The following THTPA variants were observed in gnomAD, a reference collection of about 807,000 sequenced individuals.
The protein encoded by THTPA is thiamine-triphosphatase.
THTPA carries 16 observed loss-of-function variants against 16.5 expected under a neutral mutation model. The observed-to-expected ratio is 0.97, with a 90% CI of 0.66 to 1.47. The LOEUF is 1.47. THTPA is among the 40% of genes most tolerant of loss of function. The pLI is 0.00. For synonymous variants in THTPA, 110 were observed against 115.5 expected (o/e 0.95, Z 0.30); for missense variants, 281 against 280.9 (o/e 1.00, Z 0.00).
At chr14:23,521,597 G>C in the THTPA span, 1,494 of 218,628 alleles carry the variant, frequency 6.8e-3, 3 homozygotes, top group Non-Finnish European at 9.9e-3. Context: ...TATGGGGATG[G>C]GGAGCTGGGA....
At chr14:23,534,002 A>G in the THTPA span, 7 of 1,537,250 alleles carry the variant, frequency 4.6e-6, no homozygotes, top group Non-Finnish European at 6.1e-6. The surrounding 1 kb of genome is among the most constrained non-coding windows in gnomAD (Gnocchi z 4.5). Flanking sequence ...TGGAGCAGGG[A>G]CATGTGGCTG....
the THTPA span, among the ~76,000 whole-genome samples, chr14:23,518,117 T>TC: frequency 6.6e-6 from 1 of 152,222 alleles, no homozygotes; most frequent in Non-Finnish European, 1.5e-5. This position sits in a 1 kb window ranked among gnomAD's most constrained non-coding sequence, Gnocchi z 4.5. Flanking sequence ...CTGGTGTGTT[T>TC]CCCTGCAGCC....
At position 23,556,445 on chromosome 14, in the gene THTPA, G is replaced by T; in HGVS notation, c.-313G>T. On this transcript the variant is annotated 5_prime_UTR_variant, in exon 1 of 2. Transcript: ENST00000288014. The stretch of plus-strand genomic sequence containing the variant: ...CTGGGGTGGCAAGGTGTAGAGAGGG[G>T]GGCGTTGAAAGGACACCCGCTACCC... The T allele has an allele frequency of 2.8e-6, 1 of 362,408 alleles. No homozygotes were observed. Among genetic ancestry groups the T allele is most frequent in the Admixed American group, 4.4e-5 (1 of 22,956 alleles). The allele number at this position is 362,408 out of a possible 1,614,324, so 22.4% of individuals were successfully genotyped here. A position where few individuals can be genotyped will look rare whatever the true frequency, so the allele number is the denominator to read the frequency against.
At chr14:23,539,542 C>T in the THTPA span, among the ~76,000 whole-genome samples, 12 of 152,166 alleles carry the variant, frequency 7.9e-5, 1 homozygote, top group Admixed American at 5.2e-4. Context: ...ACTTAAGGAC[C>T]GGAGAATTAC....
At chr14:23,521,978 G>T in the THTPA span, 1 of 1,536,376 alleles carries the variant, frequency 6.5e-7, no homozygotes, top group Non-Finnish European at 8.7e-7. Context: ...AGCTAGAAGT[G>T]TAGAGGTAGT....
chr14:23,532,703 C>T, the THTPA span: 7 of 1,533,182 alleles, frequency 4.6e-6, no homozygotes, highest in East Asian at 1.7e-4. Context: ...AGCCCCATCT[C>T]CCAGGGATGC....
At chr14:23,549,421 G>A in the THTPA span, among the ~76,000 whole-genome samples, 1 of 152,136 alleles carries the variant, frequency 6.6e-6, no homozygotes, top group Non-Finnish European at 1.5e-5. Context: ...GAAAAACAAT[G>A]ATGGGCTAAA....
the THTPA span, chr14:23,534,136 T>G: frequency 4.5e-5 from 66 of 1,476,706 alleles, no homozygotes; most frequent in Middle Eastern, 3.5e-4. This position sits in a 1 kb window ranked among gnomAD's most constrained non-coding sequence, Gnocchi z 4.5. Flanking sequence ...GCCCCCCTCC[T>G]TGGAGGTGGG....
chr14:23,529,497 T>TATC, the THTPA span: 5 of 565,714 alleles, frequency 8.8e-6, no homozygotes, highest in African/African-American at 9.4e-5. Context: ...GTCTCCCTCC[T>TATC]ATCATCTCCC....
the THTPA span, among the ~76,000 whole-genome samples, chr14:23,540,690 G>T: frequency 7.9e-5 from 12 of 152,302 alleles, no homozygotes; most frequent in African/African-American, 2.9e-4. Flanking sequence ...GGGAAATTAC[G>T]TATTGAGCCT....
chr14:23,545,249 G>A, the THTPA span, among the ~76,000 whole-genome samples: 1 of 152,134 alleles, frequency 6.6e-6, no homozygotes, highest in African/African-American at 2.4e-5. Flanking sequence ...CTCCCATAAG[G>A]GTCAAAGCCA....
At chr14:23,513,497 T>C in the THTPA span, 1 of 152,436 alleles carries the variant, frequency 6.6e-6, no homozygotes, top group Non-Finnish European at 1.5e-5. Context: ...CGGTTGCCAA[T>C]CTAGTGTACA....
At chr14:23,521,396 G>C in the THTPA span, 2 of 152,440 alleles carry the variant, frequency 1.3e-5, no homozygotes, top group African/African-American at 4.8e-5. Context: ...GAGTTTGTGA[G>C]CGGTGTGGTG....
the THTPA span, among the ~76,000 whole-genome samples, chr14:23,515,825 G>A: frequency 4.6e-5 from 7 of 152,138 alleles, no homozygotes; most frequent in Admixed American, 1.3e-4. Context: ...AAGAAGCAAG[G>A]TGTTTTCCAC....
At chr14:23,518,531 G>A in the THTPA span, among the ~76,000 whole-genome samples, 3 of 152,148 alleles carry the variant, frequency 2.0e-5, no homozygotes, top group African/African-American at 7.2e-5. The surrounding 1 kb of genome is among the most constrained non-coding windows in gnomAD (Gnocchi z 4.5). Context: ...TTTGTTCCTA[G>A]TTGAGGATTG....
chr14:23,512,634 T>C, the THTPA span: 1 of 148,614 alleles, frequency 6.7e-6, no homozygotes, highest in African/African-American at 2.5e-5. Context: ...ATATTGGTAC[T>C]GAGGACCCAG....
the THTPA span, chr14:23,524,439 C>T: frequency 6.5e-7 from 1 of 1,536,054 alleles, no homozygotes; most frequent in Non-Finnish European, 8.7e-7. The surrounding 1 kb of genome is among the most constrained non-coding windows in gnomAD (Gnocchi z 5.6). Context: ...CTGCCGTCCT[C>T]ATGCTTCCGT....
chr14:23,537,367 T>A, the THTPA span, among the ~76,000 whole-genome samples: 1 of 152,116 alleles, frequency 6.6e-6, no homozygotes, highest in Non-Finnish European at 1.5e-5. Flanking sequence ...CTCTAGTGAT[T>A]AAACTGGTAG....
chr14:23,530,179 G>A, the THTPA span: 1 of 1,535,742 alleles, frequency 6.5e-7, no homozygotes, highest in Non-Finnish European at 8.7e-7. Context: ...AGCTAAGGGG[G>A]TGACAGGAGC....
Sources: gnomAD v4.1 joint callset for allele counts (sites outside exome capture counted in the v4.1 genomes callset) on GRCh38, gnomAD v4.1.1 for gene constraint, Gnocchi (gnomAD v3.1) non-coding constraint, MANE v1.5 for transcripts, NCBI Gene and HGNC (gene_info 2026-07-23, HGNC 2026-07-21) for gene names.